The following RASGRF2 variants were observed in gnomAD, a reference collection of about 807,000 sequenced individuals.
RASGRF2 encodes the protein Ras protein specific guanine nucleotide releasing factor 2, also known as ras-specific guanine nucleotide-releasing factor 2.
A neutral mutation model predicts 151.0 loss-of-function variants in RASGRF2; 76 were observed. The ratio of observed to expected loss-of-function variants is 0.50; its 90% confidence interval spans 0.42 to 0.61. RASGRF2 has a LOEUF of 0.61. RASGRF2 is among the 20% of genes least tolerant of loss of function. RASGRF2 has a pLI of 0.00. For missense variants in RASGRF2, 1,148 were observed against 1,564.6 expected (o/e 0.73, Z 4.49); for synonymous variants, 504 against 566.5 (o/e 0.89, Z 1.57).
At chr5:81,122,076 C>T (rs1211555889) in intron 15 of RASGRF2, among the ~76,000 whole-genome samples, 1 of 152,196 alleles carries the variant, frequency 6.6e-6, no homozygotes, top group African/African-American at 2.4e-5. Context: ...AGAAGGAATT[C>T]TCCCCTCAGC....
rs191482114 is a variant in RASGRF2 at position 80,991,880 on chromosome 5, G to A, written c.288+30854G>A. Among the ~76,000 whole-genome samples the A allele has an allele frequency of 5.5e-4, 84 of 152,292 alleles. 1 individual carries two copies. The highest frequency in any genetic ancestry group is 8.1e-4 in the Non-Finnish European group (55 of 68,032). ...CTAACAACACATGTGAATTCTGGAGGCAAAAGGCCCTTAGGTAAGAAAGTG... is the reference window on the plus strand; with the variant it reads ...CTAACAACACATGTGAATTCTGGAGACAAAAGGCCCTTAGGTAAGAAAGTG... On this transcript the variant is annotated intron_variant, in intron 1 of 26. Transcript: ENST00000265080.
intron 1 of RASGRF2, among the ~76,000 whole-genome samples, chr5:80,966,606 T>C (rs1195327324): frequency 2.0e-5 from 3 of 152,170 alleles, no homozygotes; most frequent in African/African-American, 7.2e-5. Context: ...TGTTAGCATT[T>C]TTGCCCAAGG....
intron 1 of RASGRF2, among the ~76,000 whole-genome samples, chr5:80,987,479 C>T (rs1326015789): frequency 6.6e-6 from 1 of 152,184 alleles, no homozygotes; most frequent in African/African-American, 2.4e-5. Context: ...AATTTTATTT[C>T]AGCTTCATGA....
At chr5:81,099,202 G>T (rs367904424) in intron 12 of RASGRF2, among the ~76,000 whole-genome samples, 3 of 152,100 alleles carry the variant, frequency 2.0e-5, no homozygotes, top group African/African-American at 7.2e-5. Flanking sequence ...AGAAATAATT[G>T]TACAGTTTGC....
rs1429645227 is a variant in RASGRF2, at chr5:81,225,875, T to C, written c.*105T>C. 1.6e-6 allele frequency: 2 copies of C among 1,216,330 alleles called. No individual in the cohort carries two copies. Among genetic ancestry groups the C allele is most frequent in the Non-Finnish European group, 2.2e-6 (2 of 909,042 alleles). The allele number at this position is 1,216,330 out of a possible 1,614,324, so 75.3% of individuals were successfully genotyped here. On this transcript the variant is annotated 3_prime_UTR_variant, in exon 27 of 27. Coordinates refer to ENST00000265080, the MANE Select transcript of RASGRF2 (RefSeq NM_006909.3). ...GGTACAGCACGAAGCCAGGCTCCTT[T>C]CTCCACCAAAGAAGATGGAACCAGA...
intron 16 of RASGRF2, among the ~76,000 whole-genome samples, chr5:81,125,960 A>G (rs892098662): frequency 3.3e-5 from 5 of 152,272 alleles, no homozygotes; most frequent in Admixed American, 2.6e-4. Context: ...CCTTGTTCCA[A>G]AATGCAATAA....
intron 1 of RASGRF2, among the ~76,000 whole-genome samples, chr5:80,988,239 C>T (rs1162025523): frequency 4.6e-5 from 7 of 151,842 alleles, no homozygotes; most frequent in Non-Finnish European, 7.4e-5. Context: ...TTTGTAGAGA[C>T]GAGGTTTCAC....
chr5:81,072,309 G>A (rs553225623), intron 4 of RASGRF2, among the ~76,000 whole-genome samples: 198 of 152,288 alleles, frequency 1.3e-3, no homozygotes, highest in African/African-American at 4.4e-3. Flanking sequence ...TGAGTTTAAT[G>A]CCTGTATAAA....
intron 1 of RASGRF2, among the ~76,000 whole-genome samples, chr5:80,969,615 ATTT>A (rs557366319): frequency 2.8e-5 from 4 of 142,440 alleles, no homozygotes; most frequent in South Asian, 4.5e-4. Context: ...CGCCCGGCTA[ATTT>A]TTTTTTGTAT....
At chr5:81,032,306 A>G (rs1359913736) in intron 1 of RASGRF2, among the ~76,000 whole-genome samples, 1 of 152,244 alleles carries the variant, frequency 6.6e-6, no homozygotes, top group Non-Finnish European at 1.5e-5. Context: ...TGAGGCTAGC[A>G]TCATCTTGAT....
chr5:81,085,650 AT>A, intron 7 of RASGRF2, 151 bp from the exon 8 acceptor site: 1 of 1,290,568 alleles, frequency 7.7e-7, no homozygotes. Context: ...AGTGTAGTTC[AT>A]TTTATTTGTA....
chr5:81,105,563 G>A (rs149379829), intron 12 of RASGRF2, among the ~76,000 whole-genome samples: 85 of 152,262 alleles, frequency 5.6e-4, no homozygotes, highest in African/African-American at 1.9e-3. Flanking sequence ...TATGCCATTT[G>A]CTTAGAATAT....
intron 26 of RASGRF2, among the ~76,000 whole-genome samples, chr5:81,221,679 T>G (rs1203918073): frequency 6.6e-6 from 1 of 152,122 alleles, no homozygotes; most frequent in Non-Finnish European, 1.5e-5. Flanking sequence ...AGTGAGACCC[T>G]GTCTCTACAA....
At chr5:81,087,886 ATC>A (rs1403652062) in intron 9 of RASGRF2, 1 of 154,258 alleles carries the variant, frequency 6.5e-6, no homozygotes, top group Non-Finnish European at 1.4e-5. Flanking sequence ...ACTGCTTAAA[ATC>A]TCTTTTTACC....
At chr5:81,123,271 C>G (rs1414331481) in intron 15 of RASGRF2, among the ~76,000 whole-genome samples, 1 of 152,080 alleles carries the variant, frequency 6.6e-6, no homozygotes, top group Non-Finnish European at 1.5e-5. Flanking sequence ...TGGTGAAGTT[C>G]CGATTTGTAA....
chr5:81,127,856 G>A (rs1378117867), intron 17 of RASGRF2, among the ~76,000 whole-genome samples: 11 of 148,588 alleles, frequency 7.4e-5, no homozygotes, highest in South Asian at 2.1e-4. Flanking sequence ...CCTGGGAGGC[G>A]GAGGTTGCAC....
intron 1 of RASGRF2, among the ~76,000 whole-genome samples, chr5:81,004,354 T>C (rs1027345094): frequency 6.6e-6 from 1 of 152,222 alleles, no homozygotes; most frequent in African/African-American, 2.4e-5. Context: ...ATGTGGCACG[T>C]TATTTGTTGC....
At chr5:81,058,775 C>CAAAAA (rs56875865) in intron 2 of RASGRF2, among the ~76,000 whole-genome samples, 39 of 70,094 alleles carry the variant, frequency 5.6e-4, no homozygotes, top group Admixed American at 9.9e-4. Context: ...GGCCCTGTAT[C>CAAAAA]AAAAAAAAAA....
chr5:81,108,850 G>A lies in RASGRF2; in HGVS notation c.1756-146G>A, dbSNP rs1388192391. Reference sequence around the variant, plus strand: ...TTACCTACTCTGTGTGTGTGTGTGTGTGTGTGTGTGTGTGTGTGTGTGTGT... The same window carrying A: ...TTACCTACTCTGTGTGTGTGTGTGTATGTGTGTGTGTGTGTGTGTGTGTGT... On this transcript the variant is annotated intron_variant, in intron 12 of 26. Coordinates refer to ENST00000265080, the MANE Select transcript of RASGRF2 (RefSeq NM_006909.3). 5.5e-6 allele frequency: 5 copies of A among 912,218 alleles called. No individual in the cohort carries two copies. In the Admixed American group the frequency reaches 1.3e-4, roughly 23 times the overall value. 56.5% of individuals were successfully genotyped at this position (912,218 alleles called of 1,614,324 possible). A position where few individuals can be genotyped will look rare whatever the true frequency, so the allele number is the denominator to read the frequency against.
Sources: gnomAD v4.1 joint callset for allele counts (sites outside exome capture counted in the v4.1 genomes callset) on GRCh38, gnomAD v4.1.1 for gene constraint, MANE v1.5 for transcripts, NCBI Gene and HGNC (gene_info 2026-07-23, HGNC 2026-07-21) for gene names.